KIAA1549: variants seen among roughly 807,000 people sequenced by gnomAD.
The protein encoded by KIAA1549 is UPF0606 protein KIAA1549.
KIAA1549 carries 70 observed loss-of-function variants against 156.4 expected under a neutral mutation model. The observed-to-expected ratio is 0.45, with a 90% CI of 0.37 to 0.55. The LOEUF (loss-of-function observed/expected upper bound fraction) is 0.55, where lower values mean the gene tolerates loss of function less well. KIAA1549 is among the 20% of genes least tolerant of loss of function. The pLI, the probability that KIAA1549 is intolerant of heterozygous loss-of-function variation, is 0.00. For missense variants in KIAA1549, 2,428 were observed against 2,540.9 expected (o/e 0.96, Z 0.96); for synonymous variants, 1,103 against 1,066.4 (o/e 1.03, Z -0.67).
chr7:138,924,292 T>C (rs1041563658), intron 1 of KIAA1549, among the ~76,000 whole-genome samples: 1 of 151,812 alleles, frequency 6.6e-6, no homozygotes, highest in Non-Finnish European at 1.5e-5. Flanking sequence ...GTGTATCATA[T>C]AAATCTGAAT....
At position 138,833,458 on chromosome 7, in the gene KIAA1549, G is replaced by A. The variant is rs1022067866; in HGVS notation, c.*4448C>T. On this transcript the variant is annotated 3_prime_UTR_variant, in exon 20 of 20. Transcript: ENST00000422774. ...CGGGAGACTCCTATAGCACAGAACC[G>A]CGTGCTGGCTTTAGCCCAAAGCCTT... 2.2e-5 allele frequency: 5 copies of A among 232,524 alleles called. No homozygotes were observed. Among genetic ancestry groups the A allele is most frequent in the South Asian group, 1.8e-4 (1 of 5,536 alleles). 14.4% of individuals were successfully genotyped at this position (232,524 alleles called of 1,614,324 possible).
At chr7:138,925,829 C>CAAAAAA (rs59066216) in intron 1 of KIAA1549, among the ~76,000 whole-genome samples, 36 of 44,598 alleles carry the variant, frequency 8.1e-4, no homozygotes, top group African/African-American at 2.0e-3. Flanking sequence ...GATCCTGTCT[C>CAAAAAA]AAAAAAAAAA....
rs1170471279 is a variant in KIAA1549 at position 138,861,444 on chromosome 7, G to A, written c.4942C>T (p.Leu1648Phe). The change falls in exon 16 of 20, where the codon CTC (leucine) becomes TTC (phenylalanine). Residue 1648 changes from leucine to phenylalanine, a missense_variant. By Grantham distance (22) the Leu-to-Phe change is conservative. Around this residue, in one of 5 missense-constraint regions of KIAA1549, gnomAD observed 404 missense variants for 417.0 expected, o/e 0.97. Coordinates refer to ENST00000422774, the MANE Select transcript of KIAA1549 (RefSeq NM_001164665.2). ...GATGGTGTCTGCACATCGGCTGGGA[G>A]GTCAGGATCCGACTACAATGAGAAA... ...AYIGCPSDPDLPADVQTPSSV... is the reference protein window; with the variant it reads ...AYIGCPSDPDFPADVQTPSSV... The A allele has an allele frequency of 1.2e-6, 2 of 1,609,718 alleles. No homozygotes were observed. The highest frequency in any genetic ancestry group is 1.7e-5 in the Admixed American group (1 of 59,206).
chr7:138,849,632 G>T (rs550459178), intron 17 of KIAA1549, among the ~76,000 whole-genome samples: 5 of 151,902 alleles, frequency 3.3e-5, no homozygotes, highest in African/African-American at 1.2e-4. Flanking sequence ...AGTCACAGGG[G>T]TTTGTGGTAC....
At position 138,918,797 on chromosome 7, in the gene KIAA1549, C is replaced by A. The variant is rs371968423; in HGVS notation, c.829G>T (p.Val277Leu). ...GAGCTTAAAAAAAGGGTGGTTTCCA[C>A]ACCCTCTGTTAGGGAAGCCACAATC... ...PEIVASLTEGVETTLFLSSRS... is the reference protein window; with the variant it reads ...PEIVASLTEGLETTLFLSSRS... The change falls in exon 2 of 20, where the codon GTG (valine) becomes TTG (leucine). Residue 277 changes from valine (V) to leucine (L), a missense_variant. Val to Leu is a conservative substitution (Grantham distance 32). Coordinates refer to ENST00000422774, the MANE Select transcript of KIAA1549 (RefSeq NM_001164665.2). The surrounding 1 kb of genome is among the most constrained non-coding windows in gnomAD (Gnocchi z 4.2). The A allele has an allele frequency of 1.2e-6, 2 of 1,614,004 alleles. No homozygotes were observed. The highest frequency in any genetic ancestry group is 1.7e-6 in the Non-Finnish European group (2 of 1,179,888).
intron 10 of KIAA1549, among the ~76,000 whole-genome samples, chr7:138,887,154 C>T (rs1232584684): frequency 2.0e-5 from 3 of 152,104 alleles, no homozygotes; most frequent in Non-Finnish European, 2.9e-5. Flanking sequence ...AGGTTATCCG[C>T]CTGCTTCAGC....
In KIAA1549 at chr7:138,837,623, G is replaced by A; in HGVS notation, c.*283C>T. The A allele has an allele frequency of 1.8e-6, 1 of 541,728 alleles. No individual in the cohort carries two copies. Among genetic ancestry groups the A allele is most frequent in the Non-Finnish European group, 3.2e-6 (1 of 309,918 alleles). The allele number at this position is 541,728 out of a possible 1,614,324, so 33.6% of individuals were successfully genotyped here. A position where few individuals can be genotyped will look rare whatever the true frequency, so the allele number is the denominator to read the frequency against. On this transcript the variant is annotated 3_prime_UTR_variant, in exon 20 of 20. Transcript: ENST00000422774. ...AAAAAGAGACGAATGCAGTCATTTT[G>A]TTAGCTTAGGTTTGTGTTTTGTTTT... is the stretch of plus-strand genomic sequence containing the variant.
Position 138,917,312 on chromosome 7 carries a change from G to C in KIAA1549, c.2314C>G (p.Pro772Ala). ...AAAATGTCAAAAGACTCAGAGCCGG[G>C]GGGCACCAGTGCAGTGACTGCGGAT... is the stretch of plus-strand genomic sequence containing the variant. ...HESAVTALVP[P>A]GSESFDILTA... is the part of the protein sequence containing the mutation. Residue 772 changes from proline (P) to alanine (A), a missense_variant, in exon 2 of 20, where the codon CCC becomes GCC. Pro to Ala is a conservative substitution (Grantham distance 27, BLOSUM62 -1). Transcript: ENST00000422774. 2 of 1,613,874 alleles carry C rather than the reference G, an allele frequency of 1.2e-6. No individual in the cohort carries two copies. The highest frequency in any genetic ancestry group is 1.7e-6 in the Non-Finnish European group (2 of 1,179,830).
chr7:138,912,474 C>A lies in KIAA1549; in HGVS notation c.2879-14G>T. 6.2e-7 allele frequency: 1 copy of A among 1,603,294 alleles called. No homozygotes were observed. Among genetic ancestry groups the A allele is most frequent in the South Asian group, 1.1e-5 (1 of 90,868 alleles). Reference sequence around the variant, plus strand: ...TTCTGGCCAGCACTGCAAATGAAAGCAAACCACCAAATGCCTTTTCATGTC... The same window carrying A: ...TTCTGGCCAGCACTGCAAATGAAAGAAAACCACCAAATGCCTTTTCATGTC... On this transcript the variant is annotated splice_polypyrimidine_tract_variant and intron_variant, in intron 2 of 19. Transcript: ENST00000422774.
intron 1 of KIAA1549, among the ~76,000 whole-genome samples, chr7:138,980,437 T>C (rs1814511343): frequency 6.6e-6 from 1 of 152,256 alleles, no homozygotes; most frequent in South Asian, 2.1e-4. Flanking sequence ...CCCTTACTCC[T>C]TTCATGCCCA....
intron 1 of KIAA1549, among the ~76,000 whole-genome samples, chr7:138,955,082 CCTA>C (rs1444104299): frequency 6.6e-6 from 1 of 152,182 alleles, no homozygotes; most frequent in African/African-American, 2.4e-5. Flanking sequence ...CGATCAGTGT[CCTA>C]CTATGTGCCA....
In KIAA1549 at chr7:138,840,185, C is replaced by T. The variant is rs763614896; in HGVS notation, c.5546G>A (p.Gly1849Glu). ...EIPPSRGSQY[G>E]GPGWPSYGED... ...CCCGTACGAAGGCCAGCCTGGCCCC[C>T]CATACTGGCTGCCTCTGCTTGGCGG... The change falls in exon 19 of 20, where the codon GGG becomes GAG. Residue 1849 changes from glycine (G) to glutamate (E), a missense_variant. This residue lies in a region of KIAA1549 where 363 missense variants were observed against 354.0 expected (regional missense o/e 1.03). Transcript: ENST00000422774. The T allele has an allele frequency of 1.4e-5, 22 of 1,563,630 alleles. No individual in the cohort carries two copies. Among genetic ancestry groups the T allele is most frequent in the Non-Finnish European group, 1.7e-5 (20 of 1,153,840 alleles).
intron 10 of KIAA1549, 53 bp from the exon 11 acceptor site, chr7:138,881,637 T>C (rs940959879): frequency 4.7e-6 from 7 of 1,502,288 alleles, no homozygotes; most frequent in African/African-American, 2.8e-5. Context: ...CCAAGGCTGA[T>C]GAGAGGAGCA....
chr7:138,916,588 T>G (rs1251049029), intron 2 of KIAA1549, among the ~76,000 whole-genome samples, 160 bp downstream of exon 2: 1 of 152,202 alleles, frequency 6.6e-6, no homozygotes, highest in Non-Finnish European at 1.5e-5. Flanking sequence ...ATAACTGTTC[T>G]GAGAACTCGC....
Position 138,832,190 on chromosome 7 carries a change from C to CTT in KIAA1549, c.*5715_*5716insAA, listed in dbSNP as rs1563039449. 2.4e-4 allele frequency: 41 copies of CTT among 170,006 alleles called. 2 individuals are homozygous for CTT. Among genetic ancestry groups the CTT allele is most frequent in the African/African-American group, 3.0e-4 (9 of 30,146 alleles). 10.5% of individuals were successfully genotyped at this position (170,006 alleles called of 1,614,324 possible). ...TTCACCTCTGTCCCTTTTACCTATT[C>CTT]CTTTTTTTTTTTTTTTTTTTTCCAG... On this transcript the variant is annotated 3_prime_UTR_variant, in exon 20 of 20. Coordinates refer to ENST00000422774, the MANE Select transcript of KIAA1549 (RefSeq NM_001164665.2).
At chr7:138,966,499 G>A (rs1258573837) in intron 1 of KIAA1549, among the ~76,000 whole-genome samples, 2 of 152,024 alleles carry the variant, frequency 1.3e-5, no homozygotes, top group African/African-American at 2.4e-5. Context: ...AAGCCAGTCC[G>A]AGTCCCAAAT....
chr7:138,868,489 G>A (rs1810821079), intron 14 of KIAA1549, among the ~76,000 whole-genome samples: 1 of 152,136 alleles, frequency 6.6e-6, no homozygotes, highest in Admixed American at 6.5e-5. Context: ...GTGCAATGGC[G>A]TGATCTCGGC....
chr7:138,861,061 G>A, intron 16 of KIAA1549, 78 bp downstream of exon 16: 1 of 1,433,704 alleles, frequency 7.0e-7, no homozygotes, highest in Non-Finnish European at 9.8e-7. Context: ...GTTTTGTGCG[G>A]AGCCTGAAAG....
intron 10 of KIAA1549, among the ~76,000 whole-genome samples, chr7:138,890,684 C>G (rs780531121): frequency 3.3e-5 from 5 of 152,168 alleles, no homozygotes; most frequent in Admixed American, 6.5e-5. Flanking sequence ...CAAACAGCAA[C>G]CATAGGGAAT....
Sources: gnomAD v4.1 joint callset for allele counts (sites outside exome capture counted in the v4.1 genomes callset) on GRCh38, gnomAD v4.1.1 for gene constraint, gnomAD v4.1.1 regional missense constraint, Gnocchi (gnomAD v3.1) non-coding constraint, MANE v1.5 for transcripts, NCBI Gene and HGNC (gene_info 2026-07-23, HGNC 2026-07-21) for gene names.